ANGPTL1: variants seen among roughly 807,000 people sequenced by gnomAD.
ANGPTL1 encodes the protein angiopoietin-related protein 1.
A neutral mutation model predicts 46.7 loss-of-function variants in ANGPTL1; 36 were observed. That is an observed-to-expected ratio of 0.77 (90% CI 0.59 to 1.02). ANGPTL1 has a LOEUF of 1.02. Among genes scored for constraint, ANGPTL1 ranks in the 50% least tolerant of loss-of-function variants. ANGPTL1 has a pLI of 0.00. For synonymous variants in ANGPTL1, 221 were observed against 204.3 expected, an observed-to-expected ratio of 1.08 and a Z score of -0.69; for missense variants, 571 against 594.7, an observed-to-expected ratio of 0.96 and a Z score of 0.41.
Position 178,853,655 on chromosome 1 carries a change from G to T in ANGPTL1, c.956C>A (p.Thr319Asn). 2 of 1,612,270 alleles carry T rather than the reference G, an allele frequency of 1.2e-6. No homozygotes were observed. Among genetic ancestry groups the T allele is most frequent in the Middle Eastern group, 1.7e-4 (1 of 6,054 alleles). ...CENSLDPGGW[T>N]VIQKRTDGSV... ...GCCGTCTGTTCTTTTCTGAATAACA[G>T]TCCAACCCCCAGGGTCCAAACTGTT... is the stretch of plus-strand genomic sequence containing the variant. Residue 319 changes from threonine to asparagine, a missense_variant, in exon 4 of 6, where the codon ACT becomes AAT. Coordinates refer to ENST00000234816, the MANE Select transcript of ANGPTL1 (RefSeq NM_004673.4).
At chr1:178,861,187 T>A (rs1354368898) in intron 3 of ANGPTL1, among the ~76,000 whole-genome samples, 2 of 152,332 alleles carry the variant, frequency 1.3e-5, no homozygotes, top group South Asian at 4.1e-4. Context: ...AATGTACTAA[T>A]TAGTATAGTA....
Position 178,851,334 on chromosome 1 carries a change from A to C in ANGPTL1, c.1289-18T>G, listed in dbSNP as rs1657161887. On this transcript the variant is annotated intron_variant, in intron 5 of 5. Transcript: ENST00000234816. Reference sequence around the variant, plus strand: ...GCAGTTTCCTTTGAGGAAAAAATACAGATATAAATGTAAAAGTTTCTTCTA... The same window carrying C: ...GCAGTTTCCTTTGAGGAAAAAATACCGATATAAATGTAAAAGTTTCTTCTA... 1.3e-6 allele frequency: 2 copies of C among 1,594,612 alleles called. No homozygotes were observed. The highest frequency in any genetic ancestry group is 1.7e-6 in the Non-Finnish European group (2 of 1,172,258).
chr1:178,852,626 C>T (rs1346538309), intron 5 of ANGPTL1, 57 bp downstream of exon 5: 1 of 1,535,630 alleles, frequency 6.5e-7, no homozygotes, highest in Non-Finnish European at 8.8e-7. Context: ...TTAGTAGATT[C>T]TATTTAATGC....
chr1:178,854,010 T>C (rs184098330), intron 3 of ANGPTL1, among the ~76,000 whole-genome samples: 88 of 152,226 alleles, frequency 5.8e-4, no homozygotes, highest in Non-Finnish European at 2.9e-5. Context: ...CATATATGTA[T>C]TTTTTATATT....
intron 2 of ANGPTL1, among the ~76,000 whole-genome samples, chr1:178,866,864 C>G (rs961720184): frequency 2.0e-5 from 3 of 152,134 alleles, no homozygotes; most frequent in Admixed American, 2.0e-4. Flanking sequence ...AGTACAAATT[C>G]TTCTGAGGAA....
intron 3 of ANGPTL1, among the ~76,000 whole-genome samples, chr1:178,855,296 C>CTT (rs71677302): frequency 7.4e-6 from 1 of 135,908 alleles, no homozygotes. Flanking sequence ...AGGACAGAGA[C>CTT]TTTTTTTTTT....
intron 3 of ANGPTL1, among the ~76,000 whole-genome samples, chr1:178,856,234 T>TATACAC (rs1368301659): frequency 3.1e-5 from 4 of 128,770 alleles, no homozygotes; most frequent in African/African-American, 1.3e-4. Flanking sequence ...TATATATATA[T>TATACAC]GGTTTTGGGT....
intron 5 of ANGPTL1, among the ~76,000 whole-genome samples, chr1:178,852,184 C>T (rs1205152420): frequency 1.3e-5 from 2 of 152,076 alleles, no homozygotes; most frequent in Non-Finnish European, 2.9e-5. Flanking sequence ...ATTTTCCTGG[C>T]GAACCCATAT....
At chr1:178,858,886 A>G (rs1657767133) in intron 3 of ANGPTL1, among the ~76,000 whole-genome samples, 1 of 152,228 alleles carries the variant, frequency 6.6e-6, no homozygotes, top group South Asian at 2.1e-4. Context: ...CAGATTACAA[A>G]GAGAATCCTT....
chr1:178,851,309 GC>G lies in ANGPTL1; in HGVS notation c.1295del (p.Cys432SerfsTer19). ...ACCAGCCTCCTTTATGAAAGTGGGCGCAGTTTCCTTTGAGGAAAAAATACAG... is the reference window on the plus strand; with the variant it reads ...ACCAGCCTCCTTTATGAAAGTGGGCGAGTTTCCTTTGAGGAAAAAATACAG... ...DRDKDMYAGN[C>X]AHFHKGGWWY... On this transcript the variant is annotated frameshift_variant, in exon 6 of 6. Coordinates refer to ENST00000234816, the MANE Select transcript of ANGPTL1 (RefSeq NM_004673.4). LOFTEE classifies it high-confidence loss of function. 6.2e-7 allele frequency: 1 copy of G among 1,606,264 alleles called. No homozygotes were observed. The highest frequency in any genetic ancestry group is 1.3e-5 in the African/African-American group (1 of 74,616).
intron 3 of ANGPTL1, among the ~76,000 whole-genome samples, chr1:178,862,076 T>C (rs570133669): frequency 1.5e-4 from 23 of 152,124 alleles, no homozygotes; most frequent in Non-Finnish European, 2.2e-4. Flanking sequence ...TTTCACCATG[T>C]TGGCCAGGCT....
chr1:178,870,450 A>G (rs937360296), intron 1 of ANGPTL1, among the ~76,000 whole-genome samples: 1 of 152,164 alleles, frequency 6.6e-6, no homozygotes, highest in African/African-American at 2.4e-5. Flanking sequence ...ATTTCTTTCT[A>G]CTGTCACTAA....
intron 1 of ANGPTL1, among the ~76,000 whole-genome samples, chr1:178,869,771 G>T (rs1355940551): frequency 6.6e-6 from 1 of 151,966 alleles, no homozygotes; most frequent in Admixed American, 6.6e-5. Flanking sequence ...TTTTTACAAG[G>T]CTAAAGGAGC....
chr1:178,853,897 T>C (rs113279110), intron 3 of ANGPTL1, 110 bp from the exon 4 acceptor site: 9 of 733,150 alleles, frequency 1.2e-5, no homozygotes, highest in Middle Eastern at 6.0e-4. Context: ...GTTACCATTG[T>C]TTATCATATA....
chr1:178,851,510 CTTTT>C (rs141735334), intron 5 of ANGPTL1, among the ~76,000 whole-genome samples, 194 bp from the exon 6 acceptor site: 2 of 151,896 alleles, frequency 1.3e-5, no homozygotes, highest in Non-Finnish European at 2.9e-5. Context: ...CTTGAATTGC[CTTTT>C]TTTAACTCTT....
intron 5 of ANGPTL1, 76 bp from the exon 6 acceptor site, chr1:178,851,392 T>C (rs1657166991): frequency 2.3e-6 from 3 of 1,332,772 alleles, no homozygotes; most frequent in Admixed American, 2.8e-5. Flanking sequence ...AAAAACTTAT[T>C]CTACCTTTAA....
At chr1:178,861,996 C>T (rs748745512) in intron 3 of ANGPTL1, among the ~76,000 whole-genome samples, 1 of 152,056 alleles carries the variant, frequency 6.6e-6, no homozygotes, top group Non-Finnish European at 1.5e-5. Flanking sequence ...CCTCAGCCTC[C>T]TGAATAGCTA....
intron 2 of ANGPTL1, among the ~76,000 whole-genome samples, chr1:178,866,405 T>C (rs1272904067): frequency 6.6e-6 from 1 of 152,194 alleles, no homozygotes; most frequent in African/African-American, 2.4e-5. Context: ...TCACATGCTT[T>C]TTATTTTTAT....
intron 5 of ANGPTL1, among the ~76,000 whole-genome samples, chr1:178,851,900 A>T (rs2102292933): frequency 6.6e-6 from 1 of 152,202 alleles, no homozygotes; most frequent in Non-Finnish European, 1.5e-5. Flanking sequence ...GGAGGGGAGG[A>T]GGGGATCTCT....
Sources: allele counts gnomAD v4.1 joint callset (sites outside exome capture counted in the v4.1 genomes callset), GRCh38; gene constraint gnomAD v4.1.1; transcripts MANE v1.5; gene names NCBI Gene and HGNC (gene_info 2026-07-23, HGNC 2026-07-21).